Variants in SUGCT observed in about 807,000 individuals in gnomAD.
SUGCT encodes succinyl-CoA:glutarate-CoA transferase.
In SUGCT, 41 loss-of-function variants were observed where a neutral mutation model predicts 55.0. The observed-to-expected ratio is 0.74, with a 90% CI of 0.58 to 0.97. SUGCT has a LOEUF of 0.97. Ranked by LOEUF, SUGCT falls within the 50% of genes least tolerant of loss-of-function variation. The pLI is 0.00. For missense variants in SUGCT, 568 were observed against 547.8 expected (o/e 1.04, Z -0.37); for synonymous variants, 187 against 200.4 (o/e 0.93, Z 0.56).
chr7:40,584,058 A>G (rs541642515), intron 12 of SUGCT, among the ~76,000 whole-genome samples: 106 of 152,318 alleles, frequency 7.0e-4, no homozygotes, highest in African/African-American at 2.4e-3. Flanking sequence ...CTCTCAGTCA[A>G]GAAAAGGTCA....
At chr7:40,808,944 T>C (rs775893036) in intron 13 of SUGCT, among the ~76,000 whole-genome samples, 1 of 152,218 alleles carries the variant, frequency 6.6e-6, no homozygotes, top group Non-Finnish European at 1.5e-5. Context: ...TGCCTGTTCC[T>C]GACTCTGTAC....
intron 8 of SUGCT, among the ~76,000 whole-genome samples, chr7:40,296,414 T>A (rs953549016): frequency 6.6e-6 from 1 of 152,222 alleles, no homozygotes; most frequent in African/African-American, 2.4e-5. Flanking sequence ...TGTGTACCCA[T>A]GTTTCTGGAG....
chr7:40,207,079 G>A (rs796326679), intron 6 of SUGCT, among the ~76,000 whole-genome samples: 2 of 152,058 alleles, frequency 1.3e-5, no homozygotes, highest in South Asian at 2.1e-4. Flanking sequence ...CGCACCTGTG[G>A]TCCCATCTCC....
the SUGCT span, among the ~76,000 whole-genome samples, chr7:40,921,249 AATAAT>A: frequency 3.9e-5 from 6 of 152,188 alleles, no homozygotes; most frequent in African/African-American, 1.4e-4. Flanking sequence ...TTTTTTACAA[AATAAT>A]ATATTATTTG....
At chr7:40,607,388 C>T (rs949065409) in intron 12 of SUGCT, among the ~76,000 whole-genome samples, 12 of 152,124 alleles carry the variant, frequency 7.9e-5, no homozygotes, top group Non-Finnish European at 1.3e-4. Context: ...CAGGTGTGAG[C>T]CATCACACCT....
the SUGCT span, among the ~76,000 whole-genome samples, chr7:40,955,783 T>C: frequency 6.6e-6 from 1 of 152,194 alleles, no homozygotes; most frequent in African/African-American, 2.4e-5. Flanking sequence ...AAATAGCTCT[T>C]ATTATTTTGA....
chr7:40,465,807 C>G (rs904925891), intron 11 of SUGCT, among the ~76,000 whole-genome samples: 5 of 152,096 alleles, frequency 3.3e-5, no homozygotes, highest in Non-Finnish European at 7.4e-5. Flanking sequence ...CATCTTGGCA[C>G]TATTAAGCCA....
intron 9 of SUGCT, among the ~76,000 whole-genome samples, chr7:40,350,675 G>A (rs1797579640): frequency 6.6e-6 from 1 of 152,048 alleles, no homozygotes; most frequent in Non-Finnish European, 1.5e-5. Context: ...AAGTTCTGGG[G>A]TACATATGCA....
chr7:40,627,598 C>G (rs1799581273), intron 12 of SUGCT, among the ~76,000 whole-genome samples: 1 of 152,192 alleles, frequency 6.6e-6, no homozygotes, highest in South Asian at 2.1e-4. Flanking sequence ...AGTGAAGTTT[C>G]AAAGTTACAC....
the SUGCT span, among the ~76,000 whole-genome samples, chr7:40,909,429 G>T: frequency 6.6e-6 from 1 of 152,278 alleles, no homozygotes; most frequent in South Asian, 2.1e-4. Flanking sequence ...CTGCTCATGG[G>T]CTGTGGGCCA....
chr7:40,742,605 T>C (rs1787522858), intron 12 of SUGCT, among the ~76,000 whole-genome samples: 1 of 152,076 alleles, frequency 6.6e-6, no homozygotes. Context: ...CTCCTGCTGT[T>C]CAGGTCACTT....
rs1562612258 is a variant in SUGCT at position 40,249,341 on chromosome 7, AT to A, written c.576+11616del. 5.1e-3 allele frequency among the ~76,000 whole-genome samples: 676 copies of A among 131,598 alleles called. 25 individuals carry two copies. The highest frequency in any genetic ancestry group is 0.019 in the African/African-American group (647 of 34,210). The allele number at this position is 131,598 out of a possible 152,430, so 86.3% of individuals were successfully genotyped here. On this transcript the variant is annotated intron_variant, in intron 7 of 13. Transcript: ENST00000335693. Reference sequence around the variant, plus strand: ...TATATATATATATATATATATATATATATATAATTATATTATATAGAATATA... The same window carrying A: ...TATATATATATATATATATATATATAATATAATTATATTATATAGAATATA...
the SUGCT span, among the ~76,000 whole-genome samples, chr7:40,995,335 C>T: frequency 6.6e-6 from 1 of 151,752 alleles, no homozygotes; most frequent in Non-Finnish European, 1.5e-5. Flanking sequence ...CACATTTTAT[C>T]CCCGTTATCT....
At chr7:40,937,383 C>A in the SUGCT span, among the ~76,000 whole-genome samples, 1 of 152,170 alleles carries the variant, frequency 6.6e-6, no homozygotes, top group Non-Finnish European at 1.5e-5. Flanking sequence ...GTTGGCTAGG[C>A]TGGTATCAAC....
At chr7:40,718,326 A>G (rs1361235965) in intron 12 of SUGCT, among the ~76,000 whole-genome samples, 1 of 152,240 alleles carries the variant, frequency 6.6e-6, no homozygotes, top group Admixed American at 6.5e-5. Context: ...CTTAAAAATG[A>G]ACAAGTATGC....
chr7:40,448,971 G>C (rs1404569544), intron 9 of SUGCT, among the ~76,000 whole-genome samples: 1 of 151,422 alleles, frequency 6.6e-6, no homozygotes, highest in Non-Finnish European at 1.5e-5. Context: ...TAGAGAGAGA[G>C]AGAGAGAGAG....
the SUGCT span, among the ~76,000 whole-genome samples, chr7:40,871,634 G>A: frequency 6.6e-6 from 1 of 152,130 alleles, no homozygotes; most frequent in Non-Finnish European, 1.5e-5. Flanking sequence ...TTAACTACCT[G>A]AGTGGTTTCT....
At chr7:40,488,788 A>T (rs1791524996) in intron 11 of SUGCT, among the ~76,000 whole-genome samples, 1 of 151,900 alleles carries the variant, frequency 6.6e-6, no homozygotes, top group Admixed American at 6.6e-5. Flanking sequence ...ATATCATCTC[A>T]CTCTCTCCTG....
chr7:40,863,052 A>G (rs1181705222), downstream of SUGCT, among the ~76,000 whole-genome samples: 1 of 152,116 alleles, frequency 6.6e-6, no homozygotes, highest in East Asian at 1.9e-4. Flanking sequence ...CAGCCTGGCC[A>G]ACATGGTGAA....
Sources: allele counts gnomAD v4.1 joint callset (sites outside exome capture counted in the v4.1 genomes callset), GRCh38; gene constraint gnomAD v4.1.1; transcripts MANE v1.5; gene names NCBI Gene and HGNC (gene_info 2026-07-23, HGNC 2026-07-21).